The following CFAP61 variants were observed in gnomAD, a reference collection of about 807,000 sequenced individuals.
CFAP61 encodes cilia and flagella associated protein 61.
In CFAP61, 107 loss-of-function variants were observed where a neutral mutation model predicts 135.6. That is an observed-to-expected ratio of 0.79 (90% confidence interval 0.67 to 0.93). CFAP61 has a LOEUF of 0.93. CFAP61 is among the 40% of genes least tolerant of loss of function. The pLI is 0.00. For synonymous variants in CFAP61, 575 were observed against 578.5 expected (o/e 0.99, Z 0.09); for missense variants, 1,507 against 1,556.2 (o/e 0.97, Z 0.53).
intron 18 of CFAP61, among the ~76,000 whole-genome samples, chr20:20,238,872 C>T (rs568454219): frequency 4.6e-5 from 7 of 152,252 alleles, no homozygotes; most frequent in East Asian, 3.9e-4. Context: ...TCCACAGCAA[C>T]GTGAAATCCC....
chr20:20,255,968 C>T (rs985277419), intron 20 of CFAP61, among the ~76,000 whole-genome samples: 1 of 152,160 alleles, frequency 6.6e-6, no homozygotes, highest in Non-Finnish European at 1.5e-5. Flanking sequence ...CTCCTGGAGT[C>T]CTGAGGTGCC....
At chr20:20,337,492 A>G (rs1027718469) in intron 25 of CFAP61, among the ~76,000 whole-genome samples, 427 of 35,258 alleles carry the variant, frequency 0.012, no homozygotes, top group African/African-American at 0.015. Context: ...ATGGATGGAT[A>G]GATGGGTGGA....
chr20:20,157,566 A>G (rs1051836077), intron 9 of CFAP61, among the ~76,000 whole-genome samples: 8 of 152,256 alleles, frequency 5.3e-5, no homozygotes, highest in Non-Finnish European at 1.5e-5. Context: ...ATCCATATAC[A>G]AACTTTTAAA....
chr20:20,265,527 A>G (rs548434652), intron 21 of CFAP61: 2 of 779,330 alleles, frequency 2.6e-6, no homozygotes, highest in East Asian at 2.4e-5. Context: ...ACTGACTCCC[A>G]GCAGCCAGTG....
At position 20,360,205 on chromosome 20, in the gene CFAP61, T is replaced by C. The variant is rs376377582; in HGVS notation, c.3514-5T>C. On this transcript the variant is annotated splice_polypyrimidine_tract_variant and splice_region_variant and intron_variant, in intron 26 of 26. Transcript: ENST00000245957. ...CTGTATCTGGCCTCTTACTGTGTTT[T>C]ACAGGAGGAAGATCTTCCTTCCATA... The C allele has an allele frequency of 9.3e-6, 15 of 1,611,712 alleles. No individual in the cohort carries two copies. In the African/African-American group the frequency reaches 1.5e-4, roughly 16 times the overall value.
At chr20:20,081,475 C>T (rs2046427373) in intron 6 of CFAP61, among the ~76,000 whole-genome samples, 1 of 152,096 alleles carries the variant, frequency 6.6e-6, no homozygotes, top group South Asian at 2.1e-4. Context: ...TTCCCTATTC[C>T]TTTCACTTTT....
chr20:20,177,022 G>A (rs2054682938), intron 13 of CFAP61, among the ~76,000 whole-genome samples: 1 of 151,280 alleles, frequency 6.6e-6, no homozygotes, highest in South Asian at 2.1e-4. Flanking sequence ...AAGTTTAAAG[G>A]CCACACCTAC....
intron 13 of CFAP61, among the ~76,000 whole-genome samples, chr20:20,184,846 A>C (rs2055387850): frequency 6.6e-6 from 1 of 152,176 alleles, no homozygotes; most frequent in Admixed American, 6.5e-5. Context: ...TGAGGTAGGA[A>C]CTTCCTCAAG....
chr20:20,294,112 G>T (rs1460495660), intron 24 of CFAP61, among the ~76,000 whole-genome samples: 1 of 152,120 alleles, frequency 6.6e-6, no homozygotes, highest in Non-Finnish European at 1.5e-5. Context: ...TTAAAATAGG[G>T]GAAGACACCA....
chr20:20,200,786 C>T (rs932511885), intron 17 of CFAP61: 38 of 985,272 alleles, frequency 3.9e-5, no homozygotes, highest in African/African-American at 1.7e-4. Context: ...GCAATACGCT[C>T]GGCGCTGCAG....
intron 14 of CFAP61, among the ~76,000 whole-genome samples, chr20:20,189,260 C>T (rs1286713610): frequency 6.7e-6 from 1 of 148,676 alleles, no homozygotes; most frequent in African/African-American, 2.5e-5. Context: ...ACATGGTTTG[C>T]TTTGGTTTGT....
At chr20:20,313,444 T>A (rs868699792) in intron 25 of CFAP61, among the ~76,000 whole-genome samples, 1 of 152,196 alleles carries the variant, frequency 6.6e-6, no homozygotes, top group African/African-American at 2.4e-5. Flanking sequence ...TTCAGTAGGC[T>A]GCGGTGTAGG....
intron 26 of CFAP61, among the ~76,000 whole-genome samples, chr20:20,345,220 ATTTAT>A: frequency 6.6e-6 from 1 of 152,310 alleles, no homozygotes; most frequent in African/African-American, 2.4e-5. Flanking sequence ...GTTAACACTA[ATTTAT>A]TTTATATTCT....
At chr20:20,097,902 T>C (rs1420538288) in intron 7 of CFAP61, among the ~76,000 whole-genome samples, 1 of 152,208 alleles carries the variant, frequency 6.6e-6, no homozygotes, top group Non-Finnish European at 1.5e-5. Flanking sequence ...CCGTGAACTT[T>C]CTCTGTACTG....
At chr20:20,228,557 C>T in intron 18 of CFAP61, 181 bp downstream of exon 18, 1 of 499,982 alleles carries the variant, frequency 2.0e-6, no homozygotes, top group Middle Eastern at 5.5e-4. Flanking sequence ...AAACTATAGC[C>T]CTGAGGCCAG....
chr20:20,312,552 C>T (rs1784180416), intron 25 of CFAP61, among the ~76,000 whole-genome samples: 1 of 151,970 alleles, frequency 6.6e-6, no homozygotes, highest in African/African-American at 2.4e-5. Flanking sequence ...AAATAACGAC[C>T]AAAATTTTTC....
At chr20:20,248,273 T>C (rs533125696) in intron 19 of CFAP61, among the ~76,000 whole-genome samples, 1 of 152,292 alleles carries the variant, frequency 6.6e-6, no homozygotes, top group South Asian at 2.1e-4. Flanking sequence ...TTCAGTAAGA[T>C]TGAACCATAA....
chr20:20,131,223 G>GT (rs1312066704), intron 8 of CFAP61, among the ~76,000 whole-genome samples: 2 of 151,370 alleles, frequency 1.3e-5, no homozygotes, highest in East Asian at 1.9e-4. Context: ...ATTTGTTTTT[G>GT]TTTTTTTGTG....
intron 17 of CFAP61, among the ~76,000 whole-genome samples, chr20:20,207,531 A>G (rs961410911): frequency 6.6e-6 from 1 of 152,234 alleles, no homozygotes; most frequent in Non-Finnish European, 1.5e-5. Context: ...GCTCCCAGGC[A>G]GAAACTGGCC....
Sources: allele counts gnomAD v4.1 joint callset (sites outside exome capture counted in the v4.1 genomes callset), GRCh38; gene constraint gnomAD v4.1.1; transcripts MANE v1.5; gene names NCBI Gene and HGNC (gene_info 2026-07-23, HGNC 2026-07-21).